Variants in ACSL5 observed in about 807,000 individuals in gnomAD.
The protein encoded by ACSL5 is long-chain-fatty-acid--CoA ligase 5.
In ACSL5, 50 loss-of-function variants were observed where a neutral mutation model predicts 84.9. The ratio of observed to expected loss-of-function variants is 0.59; its 90% CI spans 0.47 to 0.75. The LOEUF is 0.75. ACSL5 is among the 30% of genes least tolerant of loss of function. ACSL5 has a pLI of 0.00. For missense variants in ACSL5, 775 were observed against 830.4 expected (o/e 0.93, Z 0.82); for synonymous variants, 280 against 300.7 (o/e 0.93, Z 0.71).
intron 11 of ACSL5, 46 bp downstream of exon 11, chr10:112,412,025 C>G (rs748997637): frequency 5.3e-6 from 8 of 1,518,284 alleles, no homozygotes; most frequent in Non-Finnish European, 7.3e-6. Context: ...GGGGTCCTGA[C>G]TTGCTATCAC....
At chr10:112,402,280 T>C (rs1843929458) in intron 3 of ACSL5, among the ~76,000 whole-genome samples, 1 of 152,234 alleles carries the variant, frequency 6.6e-6, no homozygotes, top group Non-Finnish European at 1.5e-5. Context: ...CAGTATACTT[T>C]CTTAGACATT....
chr10:112,409,766 C>T, intron 7 of ACSL5, 81 bp downstream of exon 7: 2 of 1,434,352 alleles, frequency 1.4e-6, no homozygotes, highest in Non-Finnish European at 1.9e-6. Context: ...CCCAAGAGGA[C>T]AGTGTTCTTG....
At chr10:112,425,107 C>G in intron 17 of ACSL5, 2 of 337,274 alleles carry the variant, frequency 5.9e-6, no homozygotes, top group Non-Finnish European at 1.1e-5. Flanking sequence ...AGGAGACTTT[C>G]TCTAAGGCTG....
At chr10:112,383,671 G>A (rs1447598793) in intron 1 of ACSL5, among the ~76,000 whole-genome samples, 4 of 152,192 alleles carry the variant, frequency 2.6e-5, no homozygotes, top group African/African-American at 4.8e-5. Flanking sequence ...TTTTGGTAGC[G>A]GGAGAGCCAC....
chr10:112,418,263 T>C (rs1269820877), intron 14 of ACSL5, among the ~76,000 whole-genome samples: 3 of 152,120 alleles, frequency 2.0e-5, no homozygotes, highest in Non-Finnish European at 2.9e-5. Context: ...CCTACCCCCA[T>C]GGCAGTCAAA....
rs537932925 is a variant in ACSL5, at chr10:112,416,287, T to C, written c.1084-601T>C. On this transcript the variant is annotated intron_variant, in intron 12 of 20. Coordinates refer to ENST00000354655, the MANE Select transcript of ACSL5 (RefSeq NM_203379.2). ...GAGATTGAGACCATCCTGGCTAACA[T>C]GGTGAAACCCTGTCTCTACTAAAAA... Among the ~76,000 whole-genome samples the C allele has an allele frequency of 2.3e-3, 352 of 151,998 alleles. 2 individuals carry two copies. Among genetic ancestry groups the C allele is most frequent in the African/African-American group, 7.4e-3 (306 of 41,480 alleles).
At chr10:112,382,553 G>A (rs373176503) in intron 1 of ACSL5, among the ~76,000 whole-genome samples, 9 of 152,180 alleles carry the variant, frequency 5.9e-5, no homozygotes, top group Admixed American at 3.9e-4. Context: ...ACCCAAACCC[G>A]AGGAAAGGGC....
At chr10:112,422,917 G>A (rs1348576759) in intron 17 of ACSL5, among the ~76,000 whole-genome samples, 1 of 149,750 alleles carries the variant, frequency 6.7e-6, no homozygotes, top group Non-Finnish European at 1.5e-5. Context: ...GGCTGGGCAT[G>A]GTGGCTCACA....
intron 3 of ACSL5, among the ~76,000 whole-genome samples, chr10:112,399,816 C>T (rs1186339237): frequency 6.6e-6 from 1 of 152,198 alleles, no homozygotes; most frequent in Non-Finnish European, 1.5e-5. Flanking sequence ...TTCATCTTCC[C>T]TAAACCATAG....
At position 112,421,574 on chromosome 10, in the gene ACSL5, CTCTTCTTT is replaced by C; in HGVS notation, c.1315-18_1315-11del. The C allele has an allele frequency of 1.2e-6, 2 of 1,612,048 alleles. No homozygotes were observed. The highest frequency in any genetic ancestry group is 1.7e-6 in the Non-Finnish European group (2 of 1,178,050). On this transcript the variant is annotated splice_polypyrimidine_tract_variant and intron_variant, in intron 14 of 20. Transcript: ENST00000354655. ...ACTTTATCTTGAGTAAGTCTAAAAGCTCTTCTTTGGTTTCCCAGGTGTATGAAGCTTAT... is the reference window on the plus strand; with the variant it reads ...ACTTTATCTTGAGTAAGTCTAAAAGCGGTTTCCCAGGTGTATGAAGCTTAT...
At position 112,411,509 on chromosome 10, in the gene ACSL5, G is replaced by A. The variant is rs1844176026; in HGVS notation, c.850G>A (p.Ala284Thr). 1 of 1,613,786 alleles carries A rather than the reference G, an allele frequency of 6.2e-7. No homozygotes were observed. Among genetic ancestry groups the A allele is most frequent in the Non-Finnish European group, 8.5e-7 (1 of 1,179,822 alleles). Reference sequence around the variant, plus strand: ...TCAAAATATTGTTTCAAATGCTGCTGCCTTTCTCAAATGTGTGGAGGTCAG... The same window carrying A: ...TCAAAATATTGTTTCAAATGCTGCTACCTTTCTCAAATGTGTGGAGGTCAG... ...THQNIVSNAA[A>T]FLKCVEHAYE... The change falls in exon 10 of 21, where the codon GCC becomes ACC. Residue 284 changes from alanine to threonine, a missense_variant. Physicochemically the swap from Ala to Thr is moderately conservative, Grantham distance 58 (BLOSUM62 0). Transcript: ENST00000354655.
intron 5 of ACSL5, 112 bp from the exon 6 acceptor site, chr10:112,408,310 A>AC (rs1473276114): frequency 1.4e-6 from 1 of 732,594 alleles, no homozygotes; most frequent in Non-Finnish European, 2.3e-6. Context: ...AAAAAAAAAA[A>AC]AAAAGCAAAA....
At chr10:112,377,455 A>G (rs752007696) in intron 1 of ACSL5, among the ~76,000 whole-genome samples, 4 of 152,076 alleles carry the variant, frequency 2.6e-5, no homozygotes, top group Non-Finnish European at 5.9e-5. Flanking sequence ...AATTGCTTGA[A>G]CCTAGGAGGC....
In ACSL5 at chr10:112,391,887, C is replaced by T. The variant is rs192459357; in HGVS notation, c.-29-3031C>T. Among the ~76,000 whole-genome samples, 245 of 152,242 alleles carry T rather than the reference C, an allele frequency of 1.6e-3. 3 individuals are homozygous for T. In the Middle Eastern group the frequency reaches 0.037, roughly 23 times the overall value. ...GACAGCAGGTGCCCCCTTGAGACGC[C>T]ATAGATTCTCTGTCCCTTTTCTCCC... On this transcript the variant is annotated intron_variant, in intron 1 of 20. Transcript: ENST00000354655.
intron 1 of ACSL5, among the ~76,000 whole-genome samples, chr10:112,388,088 G>A (rs541648242): frequency 7.9e-5 from 12 of 151,898 alleles, no homozygotes; most frequent in Non-Finnish European, 1.3e-4. Context: ...ACAGGCATGC[G>A]CCACCAAGCC....
In ACSL5 at chr10:112,428,273, C is replaced by G. The variant is rs1844816332; in HGVS notation, c.*915C>G. On this transcript the variant is annotated 3_prime_UTR_variant, in exon 21 of 21. Transcript: ENST00000354655. ...ATTTTCTGTGAAGGAACCAACTGAT[C>G]TCCCCCACCCTTGGATTAGAGTTCC... 2.6e-6 allele frequency: 1 copy of G among 389,568 alleles called. No individual in the cohort carries two copies. The allele number at this position is 389,568 out of a possible 1,614,324, so 24.1% of individuals were successfully genotyped here. A position where few individuals can be genotyped will look rare whatever the true frequency, so the allele number is the denominator to read the frequency against.
At chr10:112,406,772 A>G (rs1844048804) in intron 5 of ACSL5, 1 of 152,286 alleles carries the variant, frequency 6.6e-6, no homozygotes. Flanking sequence ...AGGGAAAGCA[A>G]ACATGTCCTT....
At chr10:112,382,538 C>A (rs1849370327) in intron 1 of ACSL5, among the ~76,000 whole-genome samples, 1 of 152,216 alleles carries the variant, frequency 6.6e-6, no homozygotes, top group Non-Finnish European at 1.5e-5. Flanking sequence ...GGAAGCCTCA[C>A]TGGGACCCAA....
intron 7 of ACSL5, 179 bp from the exon 8 acceptor site, chr10:112,410,284 T>C (rs1193741536): frequency 1.9e-6 from 3 of 1,544,368 alleles, no homozygotes; most frequent in South Asian, 1.2e-5. Flanking sequence ...AGAAATCTTA[T>C]GCTCTTCCCT....
Sources: gnomAD v4.1 joint callset for allele counts (sites outside exome capture counted in the v4.1 genomes callset) on GRCh38, gnomAD v4.1.1 for gene constraint, MANE v1.5 for transcripts, NCBI Gene and HGNC (gene_info 2026-07-23, HGNC 2026-07-21) for gene names.